Variants in PCED1B observed in about 807,000 individuals in gnomAD.
PCED1B encodes PC-esterase domain containing 1B, also known as PC-esterase domain-containing protein 1B.
For synonymous variants in PCED1B, 251 were observed against 246.1 expected, an observed-to-expected ratio of 1.02 and a Z score of -0.19; for missense variants, 573 against 573.9, an observed-to-expected ratio of 1.00 and a Z score of 0.02.
At chr12:47,080,494 A>G (rs1006005769) in intron 1 of PCED1B, among the ~76,000 whole-genome samples, 4 of 152,060 alleles carry the variant, frequency 2.6e-5, no homozygotes, top group African/African-American at 9.7e-5. Context: ...GTTTCTAGGG[A>G]GGAGGTCGCG....
intron 2 of PCED1B, among the ~76,000 whole-genome samples, chr12:47,212,073 T>TCA (rs1943107780): frequency 1.6e-5 from 1 of 61,230 alleles, no homozygotes; most frequent in African/African-American, 8.9e-5. Context: ...AGACTCCGTC[T>TCA]CAAAAAAAAA....
chr12:47,203,848 T>A (rs1942839830), intron 2 of PCED1B, among the ~76,000 whole-genome samples: 1 of 152,208 alleles, frequency 6.6e-6, no homozygotes, highest in Non-Finnish European at 1.5e-5. Flanking sequence ...TTGCTGGGTC[T>A]AATGGTATTT....
chr12:47,208,471 T>G (rs1942977031), intron 2 of PCED1B: 1 of 152,310 alleles, frequency 6.6e-6, no homozygotes, highest in African/African-American at 2.4e-5. Context: ...TATCGCGATC[T>G]CGGCTCACTG....
intron 1 of PCED1B, among the ~76,000 whole-genome samples, chr12:47,085,736 A>G (rs1280378551): frequency 6.6e-6 from 1 of 152,230 alleles, no homozygotes; most frequent in Non-Finnish European, 1.5e-5. Flanking sequence ...TTCTTTTAAC[A>G]TATTTCTTCT....
chr12:47,113,863 A>G (rs1939304081), intron 2 of PCED1B, among the ~76,000 whole-genome samples: 2 of 152,034 alleles, frequency 1.3e-5, no homozygotes, highest in Admixed American at 1.3e-4. Context: ...TACAAAAATT[A>G]GCTGGGTGTG....
At chr12:47,172,082 T>A (rs2137556735) in intron 2 of PCED1B, among the ~76,000 whole-genome samples, 1 of 152,300 alleles carries the variant, frequency 6.6e-6, no homozygotes, top group African/African-American at 2.4e-5. Flanking sequence ...TCTGCTGACT[T>A]GAATAAATCT....
At chr12:47,168,020 G>C (rs1941600581) in intron 2 of PCED1B, among the ~76,000 whole-genome samples, 1 of 152,178 alleles carries the variant, frequency 6.6e-6, no homozygotes, top group Admixed American at 6.5e-5. Flanking sequence ...CAAAATATTT[G>C]GGTGAGGTAG....
At chr12:47,103,824 C>G (rs1016055208) in intron 1 of PCED1B, among the ~76,000 whole-genome samples, 13 of 152,182 alleles carry the variant, frequency 8.5e-5, no homozygotes, top group Non-Finnish European at 1.5e-4. Context: ...TTGGAAACTC[C>G]TGTAGAGCAC....
intron 2 of PCED1B, among the ~76,000 whole-genome samples, chr12:47,192,173 GT>G (rs60925090): frequency 0.019 from 2,389 of 124,910 alleles, 45 homozygotes; most frequent in East Asian, 0.15. Flanking sequence ...TTTTTTTTTT[GT>G]TTTTTTTTTT....
chr12:47,128,995 C>G (rs1940008805), intron 2 of PCED1B, among the ~76,000 whole-genome samples: 1 of 152,200 alleles, frequency 6.6e-6, no homozygotes, highest in Admixed American at 6.5e-5. Context: ...AACTGGGAAG[C>G]TGGCATCCAC....
chr12:47,198,926 A>G (rs1214193711), intron 2 of PCED1B, among the ~76,000 whole-genome samples: 1 of 151,726 alleles, frequency 6.6e-6, no homozygotes, highest in African/African-American at 2.4e-5. Flanking sequence ...AGATTGTGCC[A>G]TTGCACTCCA....
chr12:47,176,868 A>C (rs542945526), intron 2 of PCED1B, among the ~76,000 whole-genome samples: 34 of 151,790 alleles, frequency 2.2e-4, no homozygotes, highest in Admixed American at 1.1e-3. Context: ...AAAAAAAAAA[A>C]CCCACTAATG....
chr12:47,085,480 A>G (rs1937935118), intron 1 of PCED1B, among the ~76,000 whole-genome samples: 1 of 152,214 alleles, frequency 6.6e-6, no homozygotes. Context: ...TGGGTATCAC[A>G]TGTTCATTGC....
At chr12:47,087,949 A>G (rs971205439) in intron 1 of PCED1B, among the ~76,000 whole-genome samples, 5 of 152,224 alleles carry the variant, frequency 3.3e-5, no homozygotes, top group Non-Finnish European at 7.4e-5. Context: ...AATGCCAAAT[A>G]GAGTATTGAA....
intron 2 of PCED1B, among the ~76,000 whole-genome samples, chr12:47,173,585 C>T (rs1565582318): frequency 6.8e-6 from 1 of 147,100 alleles, no homozygotes; most frequent in African/African-American, 2.5e-5. Flanking sequence ...TAAACACATA[C>T]TTTTTTTTTT....
At chr12:47,140,550 A>G (rs1167287868) in intron 2 of PCED1B, among the ~76,000 whole-genome samples, 1 of 152,186 alleles carries the variant, frequency 6.6e-6, no homozygotes, top group Non-Finnish European at 1.5e-5. Flanking sequence ...TCATTCGATC[A>G]ACGGAATGAG....
At chr12:47,083,378 G>T (rs1044841082) in intron 1 of PCED1B, among the ~76,000 whole-genome samples, 2 of 152,004 alleles carry the variant, frequency 1.3e-5, no homozygotes, top group African/African-American at 4.8e-5. Flanking sequence ...TTTGGAGATG[G>T]AGCTCACTGG....
chr12:47,154,282 C>T (rs1941111974), intron 2 of PCED1B, among the ~76,000 whole-genome samples: 1 of 152,130 alleles, frequency 6.6e-6, no homozygotes, highest in African/African-American at 2.4e-5. Context: ...AGGAGCTCAT[C>T]CCATAAGTGT....
intron 1 of PCED1B, among the ~76,000 whole-genome samples, chr12:47,103,671 T>A (rs1208415043): frequency 6.6e-6 from 1 of 152,268 alleles, no homozygotes; most frequent in East Asian, 1.9e-4. Flanking sequence ...ACTTTCCTCA[T>A]GCTCTTCCAT....
Sources: gnomAD v4.1 joint callset for allele counts (sites outside exome capture counted in the v4.1 genomes callset) on GRCh38, gnomAD v4.1.1 for gene constraint, MANE v1.5 for transcripts, NCBI Gene and HGNC (gene_info 2026-07-23, HGNC 2026-07-21) for gene names.